APLP2: variants seen among roughly 807,000 people sequenced by gnomAD.
The protein encoded by APLP2 is CDEI box-binding protein.
APLP2 carries 53 observed loss-of-function variants against 89.9 expected under a neutral mutation model. That is an observed-to-expected ratio of 0.59 (90% CI 0.47 to 0.74). The LOEUF (loss-of-function observed/expected upper bound fraction) is 0.74, where lower values mean the gene tolerates loss of function less well. Among genes scored for constraint, APLP2 ranks in the 30% least tolerant of loss-of-function variants. The pLI, the probability that APLP2 is intolerant of heterozygous loss-of-function variation, is 0.00. For missense variants in APLP2, 973 were observed against 975.9 expected, an observed-to-expected ratio of 1.00 and a Z score of 0.04; for synonymous variants, 372 against 348.6, an observed-to-expected ratio of 1.07 and a Z score of -0.75.
At chr11:130,085,634 A>G (rs959742980) in intron 1 of APLP2, among the ~76,000 whole-genome samples, 2 of 152,254 alleles carry the variant, frequency 1.3e-5, no homozygotes, top group African/African-American at 4.8e-5. Context: ...TAAGTGTACA[A>G]TTCGGTGGCA....
intron 1 of APLP2, among the ~76,000 whole-genome samples, chr11:130,071,865 G>T (rs182719457): frequency 1.3e-5 from 2 of 151,716 alleles, no homozygotes; most frequent in African/African-American, 2.4e-5. Context: ...CTTTCAAGGG[G>T]CCTTTTGTCA....
chr11:130,121,565 C>T (rs918416218), intron 4 of APLP2, 49 bp from the exon 5 acceptor site: 4 of 1,528,598 alleles, frequency 2.6e-6, no homozygotes, highest in South Asian at 1.3e-5. Flanking sequence ...TGTATTTGAC[C>T]ACGTTTACTC....
rs1948406284 is a variant in APLP2, at chr11:130,110,469, C to T, written c.280-69C>T. The T allele has an allele frequency of 3.8e-6, 6 of 1,577,638 alleles. No homozygotes were observed. The Admixed American group carries it at 7.0e-5, about 18-fold the overall frequency. ...GGAGGCTGAATAAACTTAGACACTC[C>T]ATCCTTACTTGCAAGTGTGTGTCTG... On this transcript the variant is annotated intron_variant, in intron 2 of 16. Coordinates refer to ENST00000338167, the MANE Select transcript of APLP2 (RefSeq NM_001142276.2).
chr11:130,134,657 G>A (rs141840982), intron 12 of APLP2, among the ~76,000 whole-genome samples: 3 of 152,318 alleles, frequency 2.0e-5, no homozygotes, highest in East Asian at 3.9e-4. Flanking sequence ...GCCAGGAAGC[G>A]ATTTTAGAAA....
At chr11:130,125,981 G>T (rs1219902451) in intron 7 of APLP2, among the ~76,000 whole-genome samples, 1 of 152,182 alleles carries the variant, frequency 6.6e-6, no homozygotes. Flanking sequence ...TCTGGGGAAC[G>T]CTTGGGAAGC....
At chr11:130,110,465 ACTCCATCCTTACTTG>A in intron 2 of APLP2, 58 bp from the exon 3 acceptor site, 1 of 1,567,854 alleles carries the variant, frequency 6.4e-7, no homozygotes, top group Non-Finnish European at 8.7e-7. Flanking sequence ...AAACTTAGAC[ACTCCATCCTTACTTG>A]CAAGTGTGTG....
At chr11:130,088,383 G>A (rs1944428419) in intron 1 of APLP2, among the ~76,000 whole-genome samples, 1 of 152,172 alleles carries the variant, frequency 6.6e-6, no homozygotes, top group Non-Finnish European at 1.5e-5. Flanking sequence ...CCTCTGAAGA[G>A]TCTATCTTTG....
chr11:130,126,256 T>A (rs145307445), intron 7 of APLP2, among the ~76,000 whole-genome samples: 2 of 152,212 alleles, frequency 1.3e-5, no homozygotes, highest in South Asian at 4.1e-4. Context: ...CAGAGGTACC[T>A]GAGTAATAAA....
intron 3 of APLP2, among the ~76,000 whole-genome samples, chr11:130,116,919 C>G (rs1173624673): frequency 6.6e-6 from 1 of 151,978 alleles, no homozygotes; most frequent in East Asian, 1.9e-4. Context: ...CATTTGAGAT[C>G]AGGAGTTCAA....
intron 1 of APLP2, among the ~76,000 whole-genome samples, chr11:130,107,024 C>A (rs1165850797): frequency 6.6e-6 from 1 of 152,144 alleles, no homozygotes; most frequent in Admixed American, 6.5e-5. Flanking sequence ...ACACTGTGTT[C>A]TTTTCCTTCT....
At chr11:130,088,637 G>C (rs1944458671) in intron 1 of APLP2, among the ~76,000 whole-genome samples, 1 of 151,638 alleles carries the variant, frequency 6.6e-6, no homozygotes, top group Admixed American at 6.6e-5. Flanking sequence ...AAACACTCCA[G>C]AATGACCGAG....
At chr11:130,112,295 T>G (rs933204807) in intron 3 of APLP2, among the ~76,000 whole-genome samples, 1 of 152,240 alleles carries the variant, frequency 6.6e-6, no homozygotes, top group African/African-American at 2.4e-5. Context: ...TGACTTCATA[T>G]CTCTGTGAAG....
At chr11:130,074,867 A>G (rs1214276496) in intron 1 of APLP2, among the ~76,000 whole-genome samples, 1 of 152,194 alleles carries the variant, frequency 6.6e-6, no homozygotes, top group East Asian at 1.9e-4. Flanking sequence ...AGTAGGGGTA[A>G]ATCTTTGTAC....
rs1555144886 is a variant in APLP2 at position 130,132,619 on chromosome 11, T to TTA, written c.1585-1010_1585-1009insTA. On this transcript the variant is annotated intron_variant, in intron 11 of 16. Coordinates refer to ENST00000338167, the MANE Select transcript of APLP2 (RefSeq NM_001142276.2). Reference sequence around the variant, plus strand: ...TTCTAATGGCCTTTTTTTTTTTTTTTAAATAATGAATAACCTTAGAACTTT... The same window carrying TTA: ...TTCTAATGGCCTTTTTTTTTTTTTTTTAAAATAATGAATAACCTTAGAACTTT... Among the ~76,000 whole-genome samples, 1,089 of 137,614 alleles carry TTA rather than the reference T, an allele frequency of 7.9e-3. 17 individuals carry two copies. The highest frequency in any genetic ancestry group is 0.025 in the African/African-American group (898 of 36,636). The allele number at this position is 137,614 out of a possible 152,430, so 90.3% of individuals were successfully genotyped here.
At chr11:130,134,078 ACCT>A (rs1239517404) in intron 12 of APLP2, among the ~76,000 whole-genome samples, 2 of 151,764 alleles carry the variant, frequency 1.3e-5, no homozygotes, top group Non-Finnish European at 2.9e-5. Context: ...ATAAATTCTC[ACCT>A]CCTCCTCTCC....
chr11:130,081,815 ATTC>A (rs769443704), intron 1 of APLP2, among the ~76,000 whole-genome samples: 1 of 152,174 alleles, frequency 6.6e-6, no homozygotes, highest in Non-Finnish European at 1.5e-5. Context: ...TATGTTTCTC[ATTC>A]TTCTCTAATG....
At chr11:130,101,491 G>A (rs1946927139) in intron 1 of APLP2, 1 of 155,642 alleles carries the variant, frequency 6.4e-6, no homozygotes, top group Non-Finnish European at 1.4e-5. Flanking sequence ...CAGCCCGTGT[G>A]TTTAGAATAA....
At chr11:130,091,263 G>A (rs1945073213) in intron 1 of APLP2, among the ~76,000 whole-genome samples, 2 of 138,198 alleles carry the variant, frequency 1.4e-5, no homozygotes, top group Non-Finnish European at 1.6e-5. Flanking sequence ...CTGGCCGGGC[G>A]GGGGGCTGAC....
intron 5 of APLP2, 120 bp downstream of exon 5, chr11:130,121,930 A>G (rs1354545569): frequency 1.4e-6 from 2 of 1,438,032 alleles, no homozygotes; most frequent in Non-Finnish European, 1.9e-6. Context: ...TTGTTCTGCT[A>G]GAGTTGATTA....
Sources: allele counts gnomAD v4.1 joint callset (sites outside exome capture counted in the v4.1 genomes callset), GRCh38; gene constraint gnomAD v4.1.1; transcripts MANE v1.5; gene names NCBI Gene and HGNC (gene_info 2026-07-23, HGNC 2026-07-21).